The following TPPP2 variants were observed in gnomAD, a reference collection of about 807,000 sequenced individuals.
TPPP2 encodes tubulin polymerization promoting protein family member 2.
In TPPP2, 8 loss-of-function variants were observed where a neutral mutation model predicts 13.0. That is an observed-to-expected ratio of 0.62 (90% CI 0.36 to 1.11). TPPP2 has a LOEUF of 1.11. TPPP2 is among the 50% of genes most tolerant of loss of function. The pLI is 0.02. For missense variants in TPPP2, 213 were observed against 216.9 expected, an observed-to-expected ratio of 0.98 and a Z score of 0.11; for synonymous variants, 81 against 81.8, an observed-to-expected ratio of 0.99 and a Z score of 0.05.
At position 21,025,126 on chromosome 14, in the gene TPPP2, C is replaced by T. The variant is rs1002486302; in HGVS notation, n.236+782C>T. 2.8e-5 allele frequency: 27 copies of T among 981,506 alleles called. No individual in the cohort carries two copies. Among genetic ancestry groups the T allele is most frequent in the Admixed American group, 6.2e-5 (1 of 16,232 alleles). The allele number at this position is 981,506 out of a possible 1,614,324, so 60.8% of individuals were successfully genotyped here. A position where few individuals can be genotyped will look rare whatever the true frequency, so the allele number is the denominator to read the frequency against. On this transcript the variant is annotated intron_variant and non_coding_transcript_variant, in intron 1 of 1. Transcript: ENST00000533755. This position sits in a 1 kb window ranked among gnomAD's most constrained non-coding sequence, Gnocchi z 5.1. Reference sequence around the variant, plus strand: ...GACCCGCCCCCGGCCCGCCCCAGCCCGCCCACGGGCGCTAGGCTCCCCGCA... The same window carrying T: ...GACCCGCCCCCGGCCCGCCCCAGCCTGCCCACGGGCGCTAGGCTCCCCGCA...
In TPPP2 at chr14:21,032,261, C is replaced by T; in HGVS notation, c.*184C>T. 2.9e-6 allele frequency: 2 copies of T among 700,560 alleles called. No homozygotes were observed. Among genetic ancestry groups the T allele is most frequent in the Non-Finnish European group, 5.2e-6 (2 of 387,200 alleles). The allele number at this position is 700,560 out of a possible 1,614,324, so 43.4% of individuals were successfully genotyped here. ...AGGAGGGTGGGTTCTCCACCACACA[C>T]CCTTCGCTCTGCTTAGCCTTATGCC... is the stretch of plus-strand genomic sequence containing the variant. On this transcript the variant is annotated 3_prime_UTR_variant, in exon 4 of 4. Transcript: ENST00000321760.
chr14:21,036,060 A>C (rs1306784580), downstream of TPPP2: 6 of 389,770 alleles, frequency 1.5e-5, no homozygotes, highest in East Asian at 4.3e-4. Context: ...TAAGATGTAT[A>C]TCAAGAGTTT....
rs1274825171 is a variant in TPPP2 at position 21,032,786 on chromosome 14, A to G, written c.*709A>G. ...AAGAGCAGGAGTTCTGGTGCACTGA[A>G]GAAAAAGCAATTAAATCACAACAGA... On this transcript the variant is annotated 3_prime_UTR_variant, in exon 4 of 4. Transcript: ENST00000321760. 1 of 372,510 alleles carries G rather than the reference A, an allele frequency of 2.7e-6. No homozygotes were observed. The highest frequency in any genetic ancestry group is 7.4e-5 in the East Asian group (1 of 13,518). 23.1% of individuals were successfully genotyped at this position (372,510 alleles called of 1,614,324 possible). A position where few individuals can be genotyped will look rare whatever the true frequency, so the allele number is the denominator to read the frequency against.
chr14:21,027,934 C>T (rs1883807070), upstream of TPPP2, among the ~76,000 whole-genome samples: 1 of 152,210 alleles, frequency 6.6e-6, no homozygotes, highest in Non-Finnish European at 1.5e-5. Context: ...GAGGCAGAAA[C>T]ATTCAGGTTA....
chr14:21,025,137 G>T lies in TPPP2; in HGVS notation n.236+793G>T, dbSNP rs530382538. ...GGCCCGCCCCAGCCCGCCCACGGGC[G>T]CTAGGCTCCCCGCAGACCCGCCCCA... is the stretch of plus-strand genomic sequence containing the variant. On this transcript the variant is annotated intron_variant and non_coding_transcript_variant, in intron 1 of 1. Coordinates refer to the TPPP2 transcript ENST00000533755. The surrounding 1 kb of genome is among the most constrained non-coding windows in gnomAD (Gnocchi z 5.1). 3.1e-4 allele frequency: 301 copies of T among 975,898 alleles called. No homozygotes were observed. Among genetic ancestry groups the T allele is most frequent in the Middle Eastern group, 2.1e-3 (4 of 1,896 alleles). 60.5% of individuals were successfully genotyped at this position (975,898 alleles called of 1,614,324 possible). A position where few individuals can be genotyped will look rare whatever the true frequency, so the allele number is the denominator to read the frequency against.
downstream of TPPP2, chr14:21,034,271 G>T (rs911731646): frequency 1.9e-6 from 3 of 1,611,662 alleles, no homozygotes; most frequent in Non-Finnish European, 2.5e-6. Flanking sequence ...AAAGGAGCCG[G>T]GTCACAGCTG....
chr14:21,024,602 T>C, intron 1 of TPPP2: 18 of 985,432 alleles, frequency 1.8e-5, no homozygotes, highest in Non-Finnish European at 2.2e-5. Flanking sequence ...CTACTCAGTC[T>C]CCGTGTAGGT....
upstream of TPPP2, among the ~76,000 whole-genome samples, chr14:21,026,477 C>A (rs1286758723): frequency 7.0e-6 from 1 of 143,818 alleles, no homozygotes; most frequent in Non-Finnish European, 1.5e-5. Context: ...CCCCAAGTTT[C>A]CCTGCCCCCT....
chr14:21,033,651 C>T (rs774863846), downstream of TPPP2: 2 of 629,044 alleles, frequency 3.2e-6, no homozygotes, highest in Non-Finnish European at 5.7e-6. Flanking sequence ...GATAGCACCA[C>T]TTTGCATGGT....
intron 3 of TPPP2, among the ~76,000 whole-genome samples, chr14:21,031,687 C>T (rs955295672): frequency 6.6e-6 from 1 of 152,152 alleles, no homozygotes; most frequent in Admixed American, 6.5e-5. Context: ...CATTCCCACA[C>T]CACACTCCTC....
At chr14:21,028,181 G>A (rs1457428374), upstream of TPPP2, among the ~76,000 whole-genome samples, 1 of 152,110 alleles carries the variant, frequency 6.6e-6, no homozygotes, top group African/African-American at 2.4e-5. Context: ...ATAGCAATTA[G>A]GCCATATGAC....
At chr14:21,036,032 G>C (rs982268920), downstream of TPPP2, 2 of 376,778 alleles carry the variant, frequency 5.3e-6, no homozygotes, top group South Asian at 4.0e-5. Context: ...TTTACCTCAC[G>C]GCAGTATGAG....
chr14:21,027,030 C>T (rs1883726312), upstream of TPPP2, among the ~76,000 whole-genome samples: 1 of 152,126 alleles, frequency 6.6e-6, no homozygotes, highest in African/African-American at 2.4e-5. Context: ...AAGGTTCCAG[C>T]ATCTAAATTC....
chr14:21,028,965 A>T (rs1051498365), upstream of TPPP2: 5 of 152,222 alleles, frequency 3.3e-5, no homozygotes, highest in African/African-American at 1.2e-4. Flanking sequence ...ATCTATCTGT[A>T]GTGCTTCTGG....
downstream of TPPP2, chr14:21,034,198 T>G: frequency 6.2e-7 from 1 of 1,614,024 alleles, no homozygotes. Context: ...GTATAGAAGT[T>G]CCTGCTGCCA....
At position 21,025,041 on chromosome 14, in the gene TPPP2, C is replaced by A; in HGVS notation, n.236+697C>A. 2.0e-6 allele frequency: 2 copies of A among 986,046 alleles called. No homozygotes were observed. The highest frequency in any genetic ancestry group is 2.4e-6 in the Non-Finnish European group (2 of 830,442). 61.1% of individuals were successfully genotyped at this position (986,046 alleles called of 1,614,324 possible). The stretch of plus-strand genomic sequence containing the variant: ...CCCCTCCCCCTACCTGCTGCCGCCG[C>A]GGCCGCTTCCACCTTCACTTGCCTT... On this transcript the variant is annotated intron_variant and non_coding_transcript_variant, in intron 1 of 1. Transcript: ENST00000533755. This position sits in a 1 kb window ranked among gnomAD's most constrained non-coding sequence, Gnocchi z 5.1.
chr14:21,033,793 T>C, downstream of TPPP2: 1 of 1,402,956 alleles, frequency 7.1e-7, no homozygotes, highest in Non-Finnish European at 1.0e-6. Context: ...CCTGTGGTGG[T>C]AGAGGTTGGG....
chr14:21,029,443 A>T (rs1342339222), upstream of TPPP2, among the ~76,000 whole-genome samples: 1 of 152,168 alleles, frequency 6.6e-6, no homozygotes, highest in African/African-American at 2.4e-5. Context: ...TCTACTAAAA[A>T]TGCAAAAATT....
At chr14:21,033,008 C>A, downstream of TPPP2, 1 of 455,230 alleles carries the variant, frequency 2.2e-6, no homozygotes, top group Non-Finnish European at 4.4e-6. Flanking sequence ...TGGTCAGGGG[C>A]AGACTCTGGA....
Sources: gnomAD v4.1 joint callset for allele counts (sites outside exome capture counted in the v4.1 genomes callset) on GRCh38, gnomAD v4.1.1 for gene constraint, Gnocchi (gnomAD v3.1) non-coding constraint, MANE v1.5 for transcripts, NCBI Gene and HGNC (gene_info 2026-07-23, HGNC 2026-07-21) for gene names.